GNAI3: variants seen among roughly 807,000 people sequenced by gnomAD.
GNAI3 encodes the protein G protein subunit alpha i3.
GNAI3 carries 12 observed loss-of-function variants against 41.8 expected under a neutral mutation model. The observed-to-expected ratio is 0.29, with a 90% CI of 0.18 to 0.47. The LOEUF (loss-of-function observed/expected upper bound fraction) is 0.47. Among genes scored for constraint, GNAI3 ranks in the 20% least tolerant of loss-of-function variants. The pLI is 1.00. For missense variants in GNAI3, 360 were observed against 429.6 expected (o/e 0.84, Z 1.43); for synonymous variants, 132 against 146.5 (o/e 0.90, Z 0.71).
At chr1:109,564,701 T>C (rs888550551) in intron 1 of GNAI3, among the ~76,000 whole-genome samples, 7 of 152,186 alleles carry the variant, frequency 4.6e-5, no homozygotes, top group African/African-American at 1.7e-4. Context: ...GTATTTACCC[T>C]CGATTCGGTC....
chr1:109,552,198 C>T (rs1445574233), intron 1 of GNAI3, among the ~76,000 whole-genome samples: 4 of 151,752 alleles, frequency 2.6e-5, no homozygotes, highest in African/African-American at 9.7e-5. Flanking sequence ...TTGGGAAGAT[C>T]TTGGTATATC....
At chr1:109,591,388 T>TCA in intron 7 of GNAI3, 1 of 510,348 alleles carries the variant, frequency 2.0e-6, no homozygotes, top group Non-Finnish European at 3.6e-6. Flanking sequence ...ACACTATGAA[T>TCA]GAATGTTCAT....
At chr1:109,589,065 G>A (rs766354931) in intron 7 of GNAI3, among the ~76,000 whole-genome samples, 1 of 152,126 alleles carries the variant, frequency 6.6e-6, no homozygotes, top group African/African-American at 2.4e-5. Context: ...AATATCTCAT[G>A]GACAGTTATA....
At chr1:109,586,681 C>T in intron 6 of GNAI3, 48 bp from the exon 7 acceptor site, 1 of 1,368,778 alleles carries the variant, frequency 7.3e-7, no homozygotes, top group Non-Finnish European at 1.0e-6. Flanking sequence ...TAACTTAATC[C>T]ACTTTTACTA....
chr1:109,557,925 A>T (rs191283429), intron 1 of GNAI3, among the ~76,000 whole-genome samples: 3 of 152,312 alleles, frequency 2.0e-5, no homozygotes, highest in Admixed American at 2.0e-4. Context: ...ATGCATGGCC[A>T]GAGAGTTAAT....
intron 1 of GNAI3, among the ~76,000 whole-genome samples, chr1:109,550,537 C>CT (rs370352103): frequency 0.13 from 19,083 of 145,104 alleles, 1,258 homozygotes; most frequent in African/African-American, 0.16. Context: ...AGGGCGTTAA[C>CT]TTTTTTTTTT....
At chr1:109,549,588 G>A (rs1487502836) in intron 1 of GNAI3, among the ~76,000 whole-genome samples, 1 of 152,208 alleles carries the variant, frequency 6.6e-6, no homozygotes, top group African/African-American at 2.4e-5. Context: ...TGATTTCTTT[G>A]AGGTTTGTAG....
At chr1:109,586,181 A>T in intron 5 of GNAI3, 35 bp from the exon 6 acceptor site, 1 of 1,605,818 alleles carries the variant, frequency 6.2e-7, no homozygotes. Flanking sequence ...TGTATGTGTG[A>T]CCTTGCTGAA....
intron 1 of GNAI3, among the ~76,000 whole-genome samples, chr1:109,549,736 G>C (rs777013477): frequency 6.6e-6 from 1 of 152,168 alleles, no homozygotes; most frequent in Non-Finnish European, 1.5e-5. Flanking sequence ...GTAGACTTCT[G>C]GTGGCTGTTT....
intron 3 of GNAI3, among the ~76,000 whole-genome samples, chr1:109,578,393 C>T (rs778891211): frequency 7.3e-5 from 11 of 151,204 alleles, no homozygotes; most frequent in Non-Finnish European, 1.3e-4. Flanking sequence ...TCGCTAGAAC[C>T]CAGGAGGCGG....
chr1:109,573,923 G>A lies in GNAI3; in HGVS notation c.189G>A (p.Glu63=), dbSNP rs1648672536. Residue 63 remains glutamate, a synonymous_variant, in exon 3 of 9, where the codon GAG becomes GAA. Transcript: ENST00000369851. ...TCATTCATGAGGATGGCTATTCAGA[G>A]GATGAATGTAAACAATATAAAGTAG... ...MKIIHEDGYS[E]DECKQYKVVV... is the part of the protein sequence containing the mutation. The A allele has an allele frequency of 6.2e-7, 1 of 1,609,772 alleles. No homozygotes were observed. The highest frequency in any genetic ancestry group is 8.5e-7 in the Non-Finnish European group (1 of 1,176,392).
chr1:109,579,685 G>A (rs1648837944), intron 4 of GNAI3, among the ~76,000 whole-genome samples: 1 of 152,176 alleles, frequency 6.6e-6, no homozygotes, highest in Non-Finnish European at 1.5e-5. Flanking sequence ...TTCCCTCTGT[G>A]TAAGGGCTTG....
At chr1:109,577,419 G>C (rs1648780316) in intron 3 of GNAI3, among the ~76,000 whole-genome samples, 1 of 151,918 alleles carries the variant, frequency 6.6e-6, no homozygotes, top group Admixed American at 6.6e-5. Context: ...TGGGACTACA[G>C]GCACACGCCA....
At chr1:109,561,457 A>C (rs181414436) in intron 1 of GNAI3, among the ~76,000 whole-genome samples, 6 of 152,330 alleles carry the variant, frequency 3.9e-5, no homozygotes, top group Admixed American at 2.6e-4. Flanking sequence ...CATTTTATTT[A>C]GATTTCAGCA....
chr1:109,554,907 C>T (rs1365252452), intron 1 of GNAI3, among the ~76,000 whole-genome samples: 2 of 152,066 alleles, frequency 1.3e-5, no homozygotes, highest in Non-Finnish European at 2.9e-5. Context: ...ATCAAGAACT[C>T]AACCTTTTAC....
intron 1 of GNAI3, among the ~76,000 whole-genome samples, chr1:109,571,659 T>C (rs1648599965): frequency 6.6e-6 from 1 of 152,212 alleles, no homozygotes; most frequent in South Asian, 2.1e-4. Flanking sequence ...TGCTCACTTC[T>C]GTAATCCCAG....
intron 7 of GNAI3, among the ~76,000 whole-genome samples, chr1:109,587,940 C>G (rs1649073960): frequency 6.6e-6 from 1 of 152,144 alleles, no homozygotes; most frequent in African/African-American, 2.4e-5. Flanking sequence ...AAATAATTGT[C>G]AGGAACCCTG....
At chr1:109,556,638 A>G (rs751382956) in intron 1 of GNAI3, among the ~76,000 whole-genome samples, 1 of 151,768 alleles carries the variant, frequency 6.6e-6, no homozygotes. Flanking sequence ...ACTTGCCTTC[A>G]CTCCTCACCC....
intron 4 of GNAI3, among the ~76,000 whole-genome samples, chr1:109,580,278 G>A (rs982545364): frequency 3.3e-5 from 5 of 152,136 alleles, no homozygotes; most frequent in South Asian, 2.1e-4. Flanking sequence ...GATTACAGGC[G>A]TGAGCCACCG....
Sources: gnomAD v4.1 joint callset for allele counts (sites outside exome capture counted in the v4.1 genomes callset) on GRCh38, gnomAD v4.1.1 for gene constraint, MANE v1.5 for transcripts, NCBI Gene and HGNC (gene_info 2026-07-23, HGNC 2026-07-21) for gene names.